NALCN: variants seen among roughly 807,000 people sequenced by gnomAD.
The protein encoded by NALCN is sodium leak channel NALCN.
NALCN carries 111 observed loss-of-function variants against 225.3 expected under a neutral mutation model. The observed-to-expected ratio is 0.49, with a 90% CI of 0.42 to 0.58. NALCN has a LOEUF of 0.58. NALCN is among the 20% of genes least tolerant of loss of function. The pLI is 0.00. For missense variants in NALCN, 1,378 were observed against 2,202.4 expected (o/e 0.63, Z 7.49); for synonymous variants, 764 against 769.0 (o/e 0.99, Z 0.11).
intron 15 of NALCN, 37 bp from the exon 16 acceptor site, chr13:101,144,933 C>A: frequency 1.3e-6 from 2 of 1,587,860 alleles, no homozygotes; most frequent in Non-Finnish European, 8.5e-7. Context: ...AAAGGGGGAA[C>A]CTATAATACT....
At chr13:101,165,774 C>G (rs1250143732) in intron 15 of NALCN, among the ~76,000 whole-genome samples, 4 of 152,234 alleles carry the variant, frequency 2.6e-5, no homozygotes, top group Admixed American at 6.5e-5. Flanking sequence ...CCACGCCTAG[C>G]CCCATCTTAA....
At chr13:101,278,644 C>T (rs745749862) in intron 10 of NALCN, among the ~76,000 whole-genome samples, 6 of 151,206 alleles carry the variant, frequency 4.0e-5, no homozygotes, top group Non-Finnish European at 7.4e-5. Flanking sequence ...GAAAAGAGTT[C>T]TGAAAGAGGT....
intron 11 of NALCN, 30 bp from the exon 12 acceptor site, chr13:101,237,952 A>C (rs2041622909): frequency 1.9e-6 from 3 of 1,554,268 alleles, no homozygotes; most frequent in Non-Finnish European, 2.6e-6. Context: ...TTGAAATTGA[A>C]ATTCAGAACT....
At chr13:101,058,967 C>T (rs545080777) in intron 42 of NALCN, 1 of 152,436 alleles carries the variant, frequency 6.6e-6, no homozygotes, top group Admixed American at 6.5e-5. Context: ...TGAGCTATGG[C>T]ACCAGTGGGC....
Position 101,127,093 on chromosome 13 carries a change from C to T in NALCN, c.2119-2412G>A, listed in dbSNP as rs1594261861. Reference sequence around the variant, plus strand: ...TGGAAGATGAGAGTCTGAATCCAATCACTTATCTACTGCCCCTGCAATTTC... The same window carrying T: ...TGGAAGATGAGAGTCTGAATCCAATTACTTATCTACTGCCCCTGCAATTTC... On this transcript the variant is annotated intron_variant, in intron 17 of 43. Transcript: ENST00000251127. 2.0e-5 allele frequency among the ~76,000 whole-genome samples: 3 copies of T among 152,300 alleles called. No individual in the cohort carries two copies. The South Asian group carries it at 6.2e-4, about 32-fold the overall frequency.
At chr13:101,084,691 A>T (rs1481495778) in intron 30 of NALCN, among the ~76,000 whole-genome samples, 1 of 152,184 alleles carries the variant, frequency 6.6e-6, no homozygotes, top group African/African-American at 2.4e-5. Context: ...CTGCTCACAA[A>T]CACCATCCAC....
intron 15 of NALCN, among the ~76,000 whole-genome samples, chr13:101,154,611 G>C (rs969147525): frequency 2.0e-5 from 3 of 151,912 alleles, no homozygotes; most frequent in Non-Finnish European, 4.4e-5. Flanking sequence ...TTTAATTAAG[G>C]GCACAACTCT....
At chr13:101,350,420 G>A (rs553393282) in intron 6 of NALCN, among the ~76,000 whole-genome samples, 20 of 151,972 alleles carry the variant, frequency 1.3e-4, no homozygotes, top group East Asian at 9.7e-4. Flanking sequence ...TCATTTTCTC[G>A]GGGGAGCCAC....
intron 34 of NALCN, among the ~76,000 whole-genome samples, chr13:101,078,326 C>A (rs2033395169): frequency 6.6e-6 from 1 of 152,204 alleles, no homozygotes. Flanking sequence ...GATCCACTGA[C>A]AGCTTGCACT....
intron 13 of NALCN, among the ~76,000 whole-genome samples, chr13:101,221,638 G>T (rs540953135): frequency 1.3e-5 from 2 of 152,138 alleles, no homozygotes; most frequent in Non-Finnish European, 2.9e-5. Flanking sequence ...TTACTCCTTT[G>T]CAGCCCCTTT....
At chr13:101,343,436 G>A (rs574209924) in intron 7 of NALCN, among the ~76,000 whole-genome samples, 5 of 152,206 alleles carry the variant, frequency 3.3e-5, no homozygotes, top group South Asian at 4.1e-4. Context: ...AGAACAACAA[G>A]AAAACAACTA....
chr13:101,414,890 G>A (rs2047889760), intron 1 of NALCN, among the ~76,000 whole-genome samples: 1 of 148,018 alleles, frequency 6.8e-6, no homozygotes, highest in Admixed American at 6.7e-5. Context: ...CACTTTTTAA[G>A]TTTTTCTCCA....
chr13:101,311,532 C>T (rs899445233), intron 7 of NALCN, among the ~76,000 whole-genome samples: 10 of 151,188 alleles, frequency 6.6e-5, no homozygotes, highest in African/African-American at 2.2e-4. Flanking sequence ...GAGATACGTC[C>T]CATCAATACC....
chr13:101,276,307 G>A (rs1032327604), intron 10 of NALCN, among the ~76,000 whole-genome samples: 4 of 152,054 alleles, frequency 2.6e-5, no homozygotes, highest in Non-Finnish European at 4.4e-5. Flanking sequence ...GCCTTATTAA[G>A]CATGGTATAA....
Position 101,284,529 on chromosome 13 carries a change from A to T in NALCN, c.1048-510T>A, listed in dbSNP as rs571370829. Among the ~76,000 whole-genome samples the T allele has an allele frequency of 8.5e-5, 13 of 152,280 alleles. No homozygotes were observed. In the East Asian group the frequency reaches 2.5e-3, roughly 29 times the overall value. The stretch of plus-strand genomic sequence containing the variant: ...CTGACCTAATAAAAATATTCTCAGG[A>T]TCCATAAAATAAGAAGTGTGCGTGT... On this transcript the variant is annotated intron_variant, in intron 9 of 43. Coordinates refer to ENST00000251127, the MANE Select transcript of NALCN (RefSeq NM_052867.4).
chr13:101,214,664 A>G (rs1013928927), intron 13 of NALCN, among the ~76,000 whole-genome samples: 2 of 152,158 alleles, frequency 1.3e-5, no homozygotes, highest in African/African-American at 4.8e-5. Context: ...GCTTGAATCA[A>G]GAAAAGTCAG....
intron 1 of NALCN, among the ~76,000 whole-genome samples, chr13:101,406,024 T>C (rs966719040): frequency 1.3e-5 from 2 of 151,918 alleles, no homozygotes; most frequent in Non-Finnish European, 2.9e-5. Context: ...AATAATATCA[T>C]ACATTTTCAG....
At chr13:101,330,395 ATAAGACAG>A (rs2045122291) in intron 7 of NALCN, among the ~76,000 whole-genome samples, 4 of 152,152 alleles carry the variant, frequency 2.6e-5, no homozygotes, top group Admixed American at 2.6e-4. Flanking sequence ...GGCACCTAAT[ATAAGACAG>A]TAAGTTGGAG....
At chr13:101,189,598 A>G (rs1351933622) in intron 14 of NALCN, among the ~76,000 whole-genome samples, 1 of 152,214 alleles carries the variant, frequency 6.6e-6, no homozygotes, top group Non-Finnish European at 1.5e-5. Flanking sequence ...ATATCGAGTG[A>G]CCAGCAGAGC....
Sources: allele counts gnomAD v4.1 joint callset (sites outside exome capture counted in the v4.1 genomes callset), GRCh38; gene constraint gnomAD v4.1.1; transcripts MANE v1.5; gene names NCBI Gene and HGNC (gene_info 2026-07-23, HGNC 2026-07-21).